Variants in RBFOX2 observed in about 807,000 individuals in gnomAD.
RBFOX2 encodes the protein RNA binding protein fox-1 homolog 2.
RBFOX2 carries 10 observed loss-of-function variants against 49.1 expected under a neutral mutation model. The ratio of observed to expected loss-of-function variants is 0.20; its 90% CI spans 0.13 to 0.35. RBFOX2 has a LOEUF of 0.35. Among genes scored for constraint, RBFOX2 ranks in the 10% least tolerant of loss-of-function variants. The pLI is 1.00. For synonymous variants in RBFOX2, 183 were observed against 187.4 expected (o/e 0.98, Z 0.19); for missense variants, 323 against 486.9 (o/e 0.66, Z 3.17).
chr22:35,911,399 A>G (rs746251205), intron 1 of RBFOX2, among the ~76,000 whole-genome samples: 3 of 152,226 alleles, frequency 2.0e-5, no homozygotes, highest in Non-Finnish European at 4.4e-5. Context: ...CACAGTAATC[A>G]ATGCATATGG....
chr22:35,898,104 C>G, intron 1 of RBFOX2: 2 of 740,600 alleles, frequency 2.7e-6, no homozygotes, highest in South Asian at 2.7e-5. Context: ...GAAGCTAGCC[C>G]AGGTCTCCCA....
At chr22:35,742,917 A>C (rs1930672930) in exon 12 of RBFOX2, 1 of 152,958 alleles carries the variant, frequency 6.5e-6, no homozygotes, top group Admixed American at 6.5e-5. Context: ...TTTGGAGGAC[A>C]GTGAGAAGCT....
chr22:35,949,931 T>C (rs1036729631), intron 1 of RBFOX2, among the ~76,000 whole-genome samples: 3 of 152,166 alleles, frequency 2.0e-5, no homozygotes, highest in East Asian at 1.9e-4. Context: ...GTCTAATTTA[T>C]CTGTTTTTTC....
At chr22:35,906,181 GT>G (rs2149481091) in intron 1 of RBFOX2, among the ~76,000 whole-genome samples, 1 of 152,272 alleles carries the variant, frequency 6.6e-6, no homozygotes, top group Non-Finnish European at 1.5e-5. Flanking sequence ...TTTAAAACCA[GT>G]GGTTTTTTAA....
intron 1 of RBFOX2, among the ~76,000 whole-genome samples, chr22:35,922,523 G>A (rs1023778068): frequency 2.0e-5 from 3 of 151,444 alleles, no homozygotes; most frequent in African/African-American, 7.3e-5. Flanking sequence ...AGTCAGCCAA[G>A]ATTGCGCCAC....
At chr22:35,863,705 A>G (rs1358165942) in intron 1 of RBFOX2, among the ~76,000 whole-genome samples, 2 of 152,138 alleles carry the variant, frequency 1.3e-5, no homozygotes, top group Non-Finnish European at 2.9e-5. Flanking sequence ...TAATGCAGCA[A>G]TTACTGGTAA....
chr22:35,761,114 A>T, intron 8 of RBFOX2, 88 bp downstream of exon 9: 1 of 1,127,770 alleles, frequency 8.9e-7, no homozygotes, highest in Non-Finnish European at 1.3e-6. Context: ...CATTTCAGTT[A>T]TGTACTGTAC....
chr22:35,765,034 AG>A (rs1940462113), intron 6 of RBFOX2, among the ~76,000 whole-genome samples: 2 of 152,056 alleles, frequency 1.3e-5, no homozygotes, highest in South Asian at 4.2e-4. Flanking sequence ...ACTTATGCTC[AG>A]ATGAATGAAA....
chr22:35,898,123 AG>A (rs1283529494), intron 1 of RBFOX2: 2 of 742,986 alleles, frequency 2.7e-6, no homozygotes, highest in Non-Finnish European at 5.0e-6. Context: ...CATGGGACGA[AG>A]GTGCATGATG....
chr22:35,938,840 T>TACCA lies in RBFOX2; in HGVS notation c.-34+3_-34+6dup. The TACCA allele has an allele frequency of 1.2e-6, 2 of 1,612,498 alleles. No homozygotes were observed. Among genetic ancestry groups the TACCA allele is most frequent in the Non-Finnish European group, 1.7e-6 (2 of 1,178,534 alleles). On this transcript the variant is annotated splice_region_variant and intron_variant, in intron 1 of 13. Coordinates refer to the RBFOX2 transcript ENST00000359369. ...CATCATCTGAGTTACAAACAGCAGA[T>TACCA]ACCAACCTGGCTGTCCCGCGCTGGG... is the stretch of plus-strand genomic sequence containing the variant.
chr22:35,904,299 TTTAA>T (rs1225477155), intron 1 of RBFOX2, among the ~76,000 whole-genome samples: 8 of 152,334 alleles, frequency 5.3e-5, no homozygotes, highest in South Asian at 2.1e-4. Context: ...TACCAAAATC[TTTAA>T]TTATTTATGC....
chr22:35,828,455 C>A (rs1956194833), intron 1 of RBFOX2, among the ~76,000 whole-genome samples: 1 of 152,130 alleles, frequency 6.6e-6, no homozygotes, highest in Admixed American at 6.5e-5. Flanking sequence ...GGGGACGGTA[C>A]TGGAGAAAGT....
At chr22:35,819,452 A>G (rs1419774119) in intron 1 of RBFOX2, among the ~76,000 whole-genome samples, 1 of 152,208 alleles carries the variant, frequency 6.6e-6, no homozygotes, top group East Asian at 1.9e-4. Flanking sequence ...ACTTAACCTC[A>G]ACCTAATGAA....
intron 8 of RBFOX2, 120 bp downstream of exon 9, chr22:35,761,082 A>T: frequency 3.6e-6 from 3 of 827,166 alleles, no homozygotes; most frequent in Non-Finnish European, 5.8e-6. Context: ...GATAGTATTT[A>T]ATATCCCTCT....
chr22:35,759,180 T>C lies in RBFOX2; in HGVS notation c.887+708A>G, dbSNP rs1937811125. On this transcript the variant is annotated intron_variant, in intron 9 of 11. Coordinates refer to ENST00000405409, the Ensembl canonical transcript of RBFOX2. This position sits in a 1 kb window ranked among gnomAD's most constrained non-coding sequence, Gnocchi z 4.6. Reference sequence around the variant, plus strand: ...TTTCCCCATTCAGTAGCAAAGGATTTATTTGTTGCTATGGAATCATTCCAC... The same window carrying C: ...TTTCCCCATTCAGTAGCAAAGGATTCATTTGTTGCTATGGAATCATTCCAC... Among the ~76,000 whole-genome samples the C allele has an allele frequency of 6.6e-6, 1 of 152,086 alleles. No individual in the cohort carries two copies. Among genetic ancestry groups the C allele is most frequent in the Non-Finnish European group, 1.5e-5 (1 of 68,002 alleles).
intron 9 of RBFOX2, chr22:35,748,490 T>C (rs1019481328): frequency 2.0e-5 from 3 of 152,178 alleles, no homozygotes; most frequent in African/African-American, 7.2e-5. Context: ...TTTTTTTTTT[T>C]TAAGCATTTG....
intron 2 of RBFOX2, among the ~76,000 whole-genome samples, chr22:35,795,676 C>T (rs1303218433): frequency 8.4e-6 from 1 of 119,166 alleles, no homozygotes; most frequent in Non-Finnish European, 1.7e-5. Flanking sequence ...TAATGGTCAA[C>T]AGGGGCTTTC....
chr22:35,793,584 T>C (rs1049294245), intron 2 of RBFOX2, among the ~76,000 whole-genome samples: 1 of 152,132 alleles, frequency 6.6e-6, no homozygotes, highest in African/African-American at 2.4e-5. Context: ...TATAAGACAA[T>C]TATAATCAAT....
intron 1 of RBFOX2, among the ~76,000 whole-genome samples, chr22:36,005,005 C>T (rs1397229625): frequency 6.6e-6 from 1 of 152,176 alleles, no homozygotes; most frequent in African/African-American, 2.4e-5. Context: ...GTTCCTCTAA[C>T]ATAAGCTCAT....
Sources: gnomAD v4.1 joint callset for allele counts (sites outside exome capture counted in the v4.1 genomes callset) on GRCh38, gnomAD v4.1.1 for gene constraint, Gnocchi (gnomAD v3.1) non-coding constraint, MANE v1.5 for transcripts, NCBI Gene and HGNC (gene_info 2026-07-23, HGNC 2026-07-21) for gene names.